Variants in MECOM observed in about 807,000 individuals in gnomAD.
MECOM encodes the protein MDS1 and EVI1 complex locus, also known as histone-lysine N-methyltransferase MECOM.
Under a neutral mutation model 116.3 loss-of-function variants are expected in MECOM, and 13 were observed. The ratio of observed to expected loss-of-function variants is 0.11; its 90% CI spans 0.07 to 0.18. The LOEUF is 0.18. Among genes scored for constraint, MECOM ranks in the 10% least tolerant of loss-of-function variants. The probability of loss-of-function intolerance (pLI) is 1.00; values close to 1 mark genes in which losing one functional copy is unlikely to be tolerated. For synonymous variants in MECOM, 528 were observed against 535.2 expected (o/e 0.99, Z 0.19); for missense variants, 1,299 against 1,509.0 (o/e 0.86, Z 2.31).
At chr3:169,604,257 CTCTT>C (rs1243670241) in intron 1 of MECOM, among the ~76,000 whole-genome samples, 1 of 151,942 alleles carries the variant, frequency 6.6e-6, no homozygotes, top group Non-Finnish European at 1.5e-5. Context: ...CTCCCTCTCT[CTCTT>C]TCTCTCTCTC....
chr3:169,288,188 T>TG (rs1391051327), intron 2 of MECOM, among the ~76,000 whole-genome samples: 3 of 151,174 alleles, frequency 2.0e-5, no homozygotes, highest in African/African-American at 7.3e-5. Flanking sequence ...GTTTTACACT[T>TG]GGGGGGTAGG....
intron 12 of MECOM, among the ~76,000 whole-genome samples, chr3:169,095,854 T>A (rs1355494422): frequency 6.9e-6 from 1 of 144,094 alleles, no homozygotes; most frequent in African/African-American, 3.0e-5. Flanking sequence ...ATAAAAAAAA[T>A]AATAATGCCA....
At chr3:169,398,645 T>C (rs920457714) in intron 1 of MECOM, among the ~76,000 whole-genome samples, 1 of 152,214 alleles carries the variant, frequency 6.6e-6, no homozygotes, top group Non-Finnish European at 1.5e-5. Flanking sequence ...GTTTTCTTTG[T>C]CAGCCTTCTG....
chr3:169,300,523 C>G (rs571782343), intron 2 of MECOM, among the ~76,000 whole-genome samples: 9 of 152,160 alleles, frequency 5.9e-5, no homozygotes, highest in Non-Finnish European at 1.0e-4. Context: ...GTTTTAGACT[C>G]ATAGTCTTAA....
At position 169,116,126 on chromosome 3, in the gene MECOM, A is replaced by G. The variant is rs1452248054; in HGVS notation, c.1746T>C (p.Leu582=). Residue 582 remains leucine, a synonymous_variant, in exon 8 of 17, where the codon CTT becomes CTC. Coordinates refer to ENST00000651503, the MANE Select transcript of MECOM (RefSeq NM_004991.4). ...KISDQSESSD[L]DDVSTPSGSD... ...TGCCACTTGGTGTACTGACATCATC[A>G]AGGTCACTACTCTCTGACTGGTCAC... The G allele has an allele frequency of 6.2e-7, 1 of 1,614,124 alleles. No individual in the cohort carries two copies. Among genetic ancestry groups the G allele is most frequent in the African/African-American group, 1.3e-5 (1 of 75,028 alleles).
intron 1 of MECOM, among the ~76,000 whole-genome samples, chr3:169,479,450 C>G (rs373616062): frequency 6.6e-6 from 1 of 151,858 alleles, no homozygotes; most frequent in African/African-American, 2.4e-5. Context: ...GTGGAGGAGA[C>G]GGTCACAAGG....
chr3:169,446,590 G>C (rs1318780729), intron 1 of MECOM, among the ~76,000 whole-genome samples: 1 of 152,154 alleles, frequency 6.6e-6, no homozygotes, highest in Admixed American at 6.5e-5. Flanking sequence ...TTACATCATA[G>C]AACTTGCTAA....
rs780293564 is a variant in MECOM, at chr3:169,116,221, C to A, written c.1651G>T (p.Val551Leu). The change falls in exon 8 of 17, where the codon GTA becomes TTA. Residue 551 changes from valine to leucine, a missense_variant. This residue lies in a region of MECOM where 238 missense variants were observed against 273.1 expected (regional missense o/e 0.87). Transcript: ENST00000651503. ...ILKALSKHPS[V>L]GDNKPVELQP... ...AGCTCCACTGGCTTATTGTCCCCTA[C>A]AGATGGGTGTTTAGATAGTGCCTTC... 6.2e-7 allele frequency: 1 copy of A among 1,614,154 alleles called. No homozygotes were observed. Among genetic ancestry groups the A allele is most frequent in the Non-Finnish European group, 8.5e-7 (1 of 1,180,036 alleles).
chr3:169,635,240 T>C (rs1482810055), intron 1 of MECOM, among the ~76,000 whole-genome samples: 2 of 152,242 alleles, frequency 1.3e-5, no homozygotes, highest in East Asian at 1.9e-4. Flanking sequence ...GTCTAACTCA[T>C]AGGACTATTG....
intron 1 of MECOM, among the ~76,000 whole-genome samples, chr3:169,385,103 CAA>C (rs751654546): frequency 4.3e-4 from 35 of 81,290 alleles, no homozygotes; most frequent in Admixed American, 7.5e-4. Flanking sequence ...GACCCTGTCT[CAA>C]AAAAAAAAAA....
At chr3:169,186,582 G>T (rs1465166808) in intron 2 of MECOM, among the ~76,000 whole-genome samples, 1 of 152,058 alleles carries the variant, frequency 6.6e-6, no homozygotes, top group Non-Finnish European at 1.5e-5. Flanking sequence ...GCATTTATTT[G>T]CATGGTTCAG....
intron 2 of MECOM, among the ~76,000 whole-genome samples, chr3:169,230,198 T>C (rs1753202577): frequency 6.6e-6 from 1 of 152,214 alleles, no homozygotes; most frequent in African/African-American, 2.4e-5. Context: ...TTGAGACCTC[T>C]GTCTACCATC....
chr3:169,122,607 C>T lies in MECOM; in HGVS notation c.951G>A (p.Lys317=). Residue 317 remains lysine, a synonymous_variant, in exon 6 of 17, where the codon AAG becomes AAA. Transcript: ENST00000651503. The stretch of plus-strand genomic sequence containing the variant: ...TGGCACAGTTTTCACATTCATAGTG[C>T]TTTCCACTGTCATGTGACATCTGGT... ...IRHQMSHDSG[K]HYECENCAKV... 4.3e-6 allele frequency: 7 copies of T among 1,614,030 alleles called. No homozygotes were observed. Among genetic ancestry groups the T allele is most frequent in the Non-Finnish European group, 5.9e-6 (7 of 1,179,904 alleles).
chr3:169,566,745 A>G (rs577859992), intron 1 of MECOM, among the ~76,000 whole-genome samples: 166 of 152,288 alleles, frequency 1.1e-3, no homozygotes, highest in African/African-American at 3.4e-3. Context: ...CCAGATCCCA[A>G]TAGAAAGTTA....
At chr3:169,168,064 T>G (rs1220820301) in intron 2 of MECOM, among the ~76,000 whole-genome samples, 1 of 152,160 alleles carries the variant, frequency 6.6e-6, no homozygotes, top group Non-Finnish European at 1.5e-5. Context: ...GCAATTCTAT[T>G]GTTAAAAAAT....
chr3:169,521,358 GCTCA>G (rs1757332361), intron 1 of MECOM, among the ~76,000 whole-genome samples: 1 of 152,136 alleles, frequency 6.6e-6, no homozygotes. Flanking sequence ...ATTGGTAAAT[GCTCA>G]CTGTGATTTG....
rs532326319 is a variant in MECOM at position 169,312,517 on chromosome 3, C to T, written c.375+68670G>A. Among the ~76,000 whole-genome samples the T allele has an allele frequency of 7.5e-4, 114 of 151,786 alleles. 1 individual carries two copies. The highest frequency in any genetic ancestry group is 8.5e-4 in the Non-Finnish European group (58 of 67,942). ...CCGAGTAGCTGGGACCACAGGTGCC[C>T]GCCACCATGCCCGGCTAATTTTTTG... On this transcript the variant is annotated intron_variant, in intron 2 of 16. Transcript: ENST00000651503.
At chr3:169,087,529 C>T (rs866415316) in intron 16 of MECOM, among the ~76,000 whole-genome samples, 1 of 151,998 alleles carries the variant, frequency 6.6e-6, no homozygotes, top group African/African-American at 2.4e-5. Context: ...CCCAGCAAGT[C>T]GAGGCTATAG....
At chr3:169,133,064 T>C (rs1735267219) in intron 3 of MECOM, among the ~76,000 whole-genome samples, 1 of 151,814 alleles carries the variant, frequency 6.6e-6, no homozygotes, top group African/African-American at 2.4e-5. Flanking sequence ...GAATCAATCT[T>C]ATTAAGCCAA....
Sources: allele counts gnomAD v4.1 joint callset (sites outside exome capture counted in the v4.1 genomes callset), GRCh38; gene constraint gnomAD v4.1.1; regional missense constraint gnomAD v4.1.1; transcripts MANE v1.5; gene names NCBI Gene and HGNC (gene_info 2026-07-23, HGNC 2026-07-21).